The following FOXP1 variants were observed in gnomAD, a reference collection of about 807,000 sequenced individuals.
FOXP1 encodes the protein forkhead box protein P1.
A neutral mutation model predicts 98.2 loss-of-function variants in FOXP1; 15 were observed. The ratio of observed to expected loss-of-function variants is 0.15; its 90% confidence interval spans 0.10 to 0.24. The LOEUF is 0.24. Among genes scored for constraint, FOXP1 ranks in the 10% least tolerant of loss-of-function variants. The pLI is 1.00. For missense variants in FOXP1, 633 were observed against 848.5 expected (o/e 0.75, Z 3.15); for synonymous variants, 371 against 314.5 (o/e 1.18, Z -1.90).
intron 2 of FOXP1, among the ~76,000 whole-genome samples, chr3:71,515,975 C>T (rs1178559653): frequency 9.9e-5 from 15 of 152,250 alleles, no homozygotes; most frequent in Non-Finnish European, 1.2e-4. Context: ...TCTGAGATTC[C>T]GTAACACATT....
At chr3:71,297,661 C>G (rs35957151) in intron 5 of FOXP1, among the ~76,000 whole-genome samples, 35,344 of 146,588 alleles carry the variant, frequency 0.24, 4,545 homozygotes, top group Middle Eastern at 0.3. Context: ...TGTCTCCCAG[C>G]CTGCAGAACA....
At position 71,041,368 on chromosome 3, in the gene FOXP1, T is replaced by C; in HGVS notation, c.829A>G (p.Thr277Ala). The change falls in exon 11 of 21, where the codon ACC becomes GCC. Residue 277 changes from threonine to alanine, a missense_variant. Physicochemically the swap from Thr to Ala is moderately conservative, Grantham distance 58. Coordinates refer to ENST00000649528, the MANE Select transcript of FOXP1 (RefSeq NM_001349338.3). Reference sequence around the variant, plus strand: ...GTGTGGACTGAGAGCTGTCCATTGGTAGAGGCATGTGGGTTCATTATTAAG... The same window carrying C: ...GTGTGGACTGAGAGCTGTCCATTGGCAGAGGCATGTGGGTTCATTATTAAG... ...TSLIMNPHAS[T>A]NGQLSVHTPK... is the part of the protein sequence containing the mutation. 6.2e-7 allele frequency: 1 copy of C among 1,613,710 alleles called. No individual in the cohort carries two copies. The highest frequency in any genetic ancestry group is 1.1e-5 in the South Asian group (1 of 91,072).
intron 5 of FOXP1, among the ~76,000 whole-genome samples, chr3:71,289,377 C>CT (rs1239936341): frequency 6.6e-6 from 1 of 151,966 alleles, no homozygotes; most frequent in Non-Finnish European, 1.5e-5. Flanking sequence ...TCACTATAGT[C>CT]TGTCACCCAG....
chr3:71,163,869 A>T (rs1280180549), intron 6 of FOXP1, among the ~76,000 whole-genome samples: 1 of 125,834 alleles, frequency 7.9e-6, no homozygotes, highest in Non-Finnish European at 1.6e-5. Flanking sequence ...CCTTTTAATC[A>T]GTTTTTTAAA....
intron 17 of FOXP1, among the ~76,000 whole-genome samples, chr3:70,976,258 T>A (rs1353616058): frequency 2.3e-4 from 35 of 151,956 alleles, no homozygotes; most frequent in African/African-American, 8.2e-4. Context: ...CTCGCTACGT[T>A]GCCCAGGCTG....
chr3:71,209,409 T>C (rs939842), intron 5 of FOXP1, among the ~76,000 whole-genome samples: 129,351 of 152,180 alleles, frequency 0.85, 55,001 homozygotes, highest in Admixed American at 0.91. Flanking sequence ...TCCAGTCTCC[T>C]CATATCAAGC....
At chr3:71,494,303 T>C (rs1172055647) in intron 2 of FOXP1, among the ~76,000 whole-genome samples, 2 of 152,244 alleles carry the variant, frequency 1.3e-5, no homozygotes, top group Admixed American at 6.5e-5. Flanking sequence ...TCTAAGCTTC[T>C]GTCTTTTTGA....
intron 12 of FOXP1, among the ~76,000 whole-genome samples, chr3:71,001,593 G>A (rs188275371): frequency 1.3e-5 from 2 of 152,098 alleles, no homozygotes; most frequent in Middle Eastern, 3.2e-3. Flanking sequence ...ACCAATGGTG[G>A]GGGGTGGGGG....
At chr3:71,206,799 T>C (rs1255023793) in intron 5 of FOXP1, among the ~76,000 whole-genome samples, 2 of 152,216 alleles carry the variant, frequency 1.3e-5, no homozygotes, top group African/African-American at 4.8e-5. Context: ...TCTCAATTTA[T>C]ATTTTTTAGC....
At chr3:71,336,453 T>C (rs2076687139) in intron 4 of FOXP1, among the ~76,000 whole-genome samples, 1 of 150,872 alleles carries the variant, frequency 6.6e-6, no homozygotes, top group Admixed American at 6.7e-5. Context: ...TAGGCCCCAG[T>C]GTGTGAGGTT....
At chr3:71,464,494 T>C (rs2088491607) in intron 3 of FOXP1, among the ~76,000 whole-genome samples, 1 of 152,158 alleles carries the variant, frequency 6.6e-6, no homozygotes, top group Non-Finnish European at 1.5e-5. Context: ...GCCAAGTTAC[T>C]ACTGTTCCAT....
intron 2 of FOXP1, among the ~76,000 whole-genome samples, chr3:71,532,036 A>T (rs977930172): frequency 6.6e-6 from 1 of 152,206 alleles, no homozygotes; most frequent in African/African-American, 2.4e-5. Flanking sequence ...CCATTGACTT[A>T]ATAGGCAGTC....
At chr3:71,581,187 T>A in intron 2 of FOXP1, 1 of 985,250 alleles carries the variant, frequency 1.0e-6, no homozygotes, top group Non-Finnish European at 1.2e-6. Flanking sequence ...CACTTTGTAA[T>A]CAGCCCAGCA....
intron 7 of FOXP1, among the ~76,000 whole-genome samples, chr3:71,058,354 CTG>C (rs1384832688): frequency 2.6e-5 from 4 of 152,300 alleles, no homozygotes; most frequent in African/African-American, 7.2e-5. Flanking sequence ...ATGCTAAACA[CTG>C]TTTCATTTTT....
chr3:71,383,853 G>C (rs988900836), intron 3 of FOXP1, among the ~76,000 whole-genome samples: 2 of 152,196 alleles, frequency 1.3e-5, no homozygotes, highest in Non-Finnish European at 2.9e-5. Flanking sequence ...ATAGATAAAA[G>C]AGGGTAAGTC....
rs188125806 is a variant in FOXP1 at position 71,238,016 on chromosome 3, T to C, written c.-11-39624A>G. Among the ~76,000 whole-genome samples the C allele has an allele frequency of 3.9e-5, 6 of 152,300 alleles. No individual in the cohort carries two copies. In the East Asian group the frequency reaches 1.2e-3, roughly 29 times the overall value. On this transcript the variant is annotated intron_variant, in intron 5 of 20. Transcript: ENST00000649528. ...ATTCTCAGTTACTTAAGGCGCACAT[T>C]TAGTCCGACTCTCCAAAATATAAGG...
intron 3 of FOXP1, among the ~76,000 whole-genome samples, chr3:71,388,774 C>T (rs1421648676): frequency 6.6e-6 from 1 of 152,012 alleles, no homozygotes; most frequent in Non-Finnish European, 1.5e-5. Flanking sequence ...GTCTACAAGG[C>T]GGACAGATAA....
At chr3:71,346,630 G>A (rs753272545) in intron 4 of FOXP1, among the ~76,000 whole-genome samples, 5 of 152,096 alleles carry the variant, frequency 3.3e-5, no homozygotes, top group African/African-American at 9.7e-5. Flanking sequence ...TGAGGACCAC[G>A]GATGCGGGGT....
chr3:71,012,462 T>A (rs1036587499), intron 12 of FOXP1, among the ~76,000 whole-genome samples: 6 of 152,200 alleles, frequency 3.9e-5, no homozygotes, highest in African/African-American at 7.2e-5. Flanking sequence ...CTGATCGTGA[T>A]TGTTCACATC....
Sources: gnomAD v4.1 joint callset for allele counts (sites outside exome capture counted in the v4.1 genomes callset) on GRCh38, gnomAD v4.1.1 for gene constraint, MANE v1.5 for transcripts, NCBI Gene and HGNC (gene_info 2026-07-23, HGNC 2026-07-21) for gene names.